The following GPC6 variants were observed in gnomAD, a reference collection of about 807,000 sequenced individuals.
GPC6 encodes the protein glypican 6, also known as glypican-6.
A neutral mutation model predicts 55.2 loss-of-function variants in GPC6; 14 were observed. That is an observed-to-expected ratio of 0.25 (90% CI 0.17 to 0.40). The LOEUF (loss-of-function observed/expected upper bound fraction) is 0.40, where lower values mean the gene tolerates loss of function less well. Among genes scored for constraint, GPC6 ranks in the 10% least tolerant of loss-of-function variants. The probability of loss-of-function intolerance (pLI) is 1.00; values close to 1 mark genes in which losing one functional copy is unlikely to be tolerated. For missense variants in GPC6, 641 were observed against 708.5 expected (o/e 0.90, Z 1.08); for synonymous variants, 278 against 259.6 (o/e 1.07, Z -0.68).
At chr13:93,908,469 T>A (rs1459898840) in intron 3 of GPC6, among the ~76,000 whole-genome samples, 3 of 152,196 alleles carry the variant, frequency 2.0e-5, no homozygotes, top group African/African-American at 7.2e-5. Flanking sequence ...CTAAAGCCAG[T>A]GCGAAATCAA....
At chr13:93,554,093 G>C (rs566754434) in intron 2 of GPC6, among the ~76,000 whole-genome samples, 1 of 151,464 alleles carries the variant, frequency 6.6e-6, no homozygotes, top group African/African-American at 2.4e-5. Context: ...GGTTGCAGTG[G>C]GCCAAGATTG....
At chr13:93,655,995 C>G (rs1257154442) in intron 2 of GPC6, among the ~76,000 whole-genome samples, 4 of 152,072 alleles carry the variant, frequency 2.6e-5, no homozygotes, top group African/African-American at 9.7e-5. Context: ...TCATATCCAT[C>G]TTCATAATTT....
chr13:93,861,139 T>TA (rs1257678391), intron 3 of GPC6, among the ~76,000 whole-genome samples: 1 of 151,462 alleles, frequency 6.6e-6, no homozygotes, highest in Non-Finnish European at 1.5e-5. Context: ...CAATATACAT[T>TA]AAAAATACTA....
At chr13:93,465,605 T>C (rs1265389141) in intron 1 of GPC6, among the ~76,000 whole-genome samples, 1 of 152,188 alleles carries the variant, frequency 6.6e-6, no homozygotes, top group East Asian at 1.9e-4. Context: ...CTTTGGCTTA[T>C]GAGAATGTTG....
At chr13:93,801,238 C>T (rs1886357830) in intron 2 of GPC6, among the ~76,000 whole-genome samples, 2 of 152,154 alleles carry the variant, frequency 1.3e-5, no homozygotes, top group Admixed American at 6.5e-5. Flanking sequence ...GGTTGTGTCA[C>T]TGGGAACAAG....
intron 1 of GPC6, among the ~76,000 whole-genome samples, chr13:93,263,351 T>C (rs571210239): frequency 6.6e-6 from 1 of 152,148 alleles, no homozygotes; most frequent in Admixed American, 6.5e-5. Flanking sequence ...GTTGTTTGTT[T>C]TTTGTTTTTT....
chr13:94,140,260 G>A (rs1887327331), intron 4 of GPC6, among the ~76,000 whole-genome samples: 2 of 152,096 alleles, frequency 1.3e-5, no homozygotes, highest in African/African-American at 4.8e-5. Context: ...AAGTTCCTCT[G>A]TGTTCATTAG....
chr13:93,258,191 T>G (rs1877018889), intron 1 of GPC6, among the ~76,000 whole-genome samples: 1 of 152,132 alleles, frequency 6.6e-6, no homozygotes, highest in Non-Finnish European at 1.5e-5. Context: ...TTTCCCCAGC[T>G]CCTTTGCATC....
At chr13:93,349,348 TGA>T (rs1420806026) in intron 1 of GPC6, among the ~76,000 whole-genome samples, 1 of 152,124 alleles carries the variant, frequency 6.6e-6, no homozygotes, top group East Asian at 1.9e-4. Flanking sequence ...TAAATAATAA[TGA>T]GTTTCAGAAA....
intron 2 of GPC6, among the ~76,000 whole-genome samples, chr13:93,630,145 A>G (rs1011933745): frequency 3.9e-5 from 6 of 152,232 alleles, no homozygotes; most frequent in African/African-American, 9.6e-5. Context: ...TGGATTGGCC[A>G]TTAGCCTAAT....
chr13:93,647,254 T>C (rs950309928), intron 2 of GPC6, among the ~76,000 whole-genome samples: 1 of 152,190 alleles, frequency 6.6e-6, no homozygotes, highest in Non-Finnish European at 1.5e-5. Context: ...ATGCATTTTA[T>C]AATATGGATG....
intron 3 of GPC6, among the ~76,000 whole-genome samples, chr13:93,875,180 C>T (rs1442284758): frequency 1.3e-5 from 2 of 151,980 alleles, no homozygotes; most frequent in African/African-American, 2.4e-5. Context: ...GAGATACTTG[C>T]ATATGGGGCC....
At chr13:93,959,881 G>T (rs1478771222) in intron 3 of GPC6, among the ~76,000 whole-genome samples, 1 of 152,206 alleles carries the variant, frequency 6.6e-6, no homozygotes, top group Non-Finnish European at 1.5e-5. Flanking sequence ...CACGCAGCTA[G>T]TAAGTGTCAA....
intron 4 of GPC6, among the ~76,000 whole-genome samples, chr13:94,225,808 A>T (rs1890538289): frequency 6.6e-6 from 1 of 152,110 alleles, no homozygotes; most frequent in East Asian, 1.9e-4. Context: ...GGACCAATGC[A>T]TCGTTCAGTA....
At chr13:93,575,264 C>T (rs1025104771) in intron 2 of GPC6, among the ~76,000 whole-genome samples, 2 of 152,034 alleles carry the variant, frequency 1.3e-5, no homozygotes, top group Non-Finnish European at 2.9e-5. Flanking sequence ...GCACTCCAGC[C>T]TGGGGTATAG....
intron 1 of GPC6, among the ~76,000 whole-genome samples, chr13:93,525,065 A>G (rs1881597215): frequency 6.6e-6 from 1 of 152,104 alleles, no homozygotes; most frequent in South Asian, 2.1e-4. Flanking sequence ...ATATTTGTTT[A>G]GGGATGAATC....
At chr13:93,454,213 T>C (rs1011864539) in intron 1 of GPC6, among the ~76,000 whole-genome samples, 1 of 147,740 alleles carries the variant, frequency 6.8e-6, no homozygotes, top group African/African-American at 2.5e-5. Flanking sequence ...TGCCAATTGG[T>C]GTATTTACGA....
chr13:94,028,277 T>A (rs1394387135), intron 4 of GPC6, among the ~76,000 whole-genome samples: 1 of 150,956 alleles, frequency 6.6e-6, no homozygotes, highest in African/African-American at 2.4e-5. Context: ...AAAAAAAAAA[T>A]GTTATGATGA....
chr13:94,382,272 C>A (rs1267366037), intron 6 of GPC6, 142 bp from the exon 7 acceptor site: 2 of 828,122 alleles, frequency 2.4e-6, no homozygotes, highest in Non-Finnish European at 4.0e-6. Context: ...CCCTGCAGTG[C>A]AGTGTCTCTC....
Sources: gnomAD v4.1 joint callset for allele counts (sites outside exome capture counted in the v4.1 genomes callset) on GRCh38, gnomAD v4.1.1 for gene constraint, MANE v1.5 for transcripts, NCBI Gene and HGNC (gene_info 2026-07-23, HGNC 2026-07-21) for gene names.